ADAMTS17: variants seen among roughly 807,000 people sequenced by gnomAD.
ADAMTS17 encodes the protein ADAM metallopeptidase with thrombospondin type 1 motif 17.
ADAMTS17 carries 113 observed loss-of-function variants against 141.5 expected under a neutral mutation model. The observed-to-expected ratio is 0.80, with a 90% confidence interval of 0.69 to 0.93. The LOEUF is 0.93. ADAMTS17 is among the 40% of genes least tolerant of loss of function. ADAMTS17 has a pLI of 0.00. For synonymous variants in ADAMTS17, 768 were observed against 630.6 expected (o/e 1.22, Z -3.27); for missense variants, 1,659 against 1,517.9 (o/e 1.09, Z -1.54).
intron 5 of ADAMTS17, 77 bp downstream of exon 5, chr15:100,262,275 T>C: frequency 1.5e-6 from 2 of 1,343,418 alleles, no homozygotes; most frequent in Non-Finnish European, 1.1e-6. Flanking sequence ...GAGCCCCGCT[T>C]AGCATTCAAC....
intron 18 of ADAMTS17, among the ~76,000 whole-genome samples, chr15:100,004,650 T>C (rs2061002554): frequency 6.9e-6 from 1 of 145,274 alleles, no homozygotes; most frequent in Admixed American, 6.9e-5. Flanking sequence ...GAGTGGAGTC[T>C]CACTCTGTTG....
intron 14 of ADAMTS17, among the ~76,000 whole-genome samples, chr15:100,107,468 G>C (rs908645645): frequency 2.6e-5 from 4 of 152,294 alleles, no homozygotes; most frequent in Admixed American, 2.6e-4. Context: ...GTGGTCATAG[G>C]ATGACAGGAA....
At chr15:100,021,773 G>A (rs143958333) in intron 18 of ADAMTS17, among the ~76,000 whole-genome samples, 10 of 152,252 alleles carry the variant, frequency 6.6e-5, no homozygotes, top group African/African-American at 1.4e-4. Flanking sequence ...AAGCCTTGTC[G>A]CCCTGGCCCT....
At chr15:100,241,527 T>A (rs2042827209) in intron 7 of ADAMTS17, among the ~76,000 whole-genome samples, 1 of 152,242 alleles carries the variant, frequency 6.6e-6, no homozygotes, top group South Asian at 2.1e-4. Flanking sequence ...CTCACTCATG[T>A]AACATCCAAT....
intron 7 of ADAMTS17, among the ~76,000 whole-genome samples, chr15:100,252,515 G>A (rs1272993956): frequency 2.6e-5 from 4 of 152,142 alleles, no homozygotes; most frequent in Admixed American, 2.0e-4. Context: ...GAGCAGAGGC[G>A]CCCCGGACAT....
chr15:100,254,696 G>T (rs954951183), intron 6 of ADAMTS17, among the ~76,000 whole-genome samples: 1 of 152,174 alleles, frequency 6.6e-6, no homozygotes, highest in Admixed American at 6.5e-5. Flanking sequence ...TCTTTGCAGG[G>T]ACATGGATGG....
In ADAMTS17 at chr15:100,159,065, G is replaced by A. The variant is rs28447358; in HGVS notation, c.1182-3745C>T. ...ATGCTATGAAAAAAACAGTATGGAG[G>A]TTCCTCAAAAAATTAAAAATAAAAC... On this transcript the variant is annotated intron_variant, in intron 8 of 21. Coordinates refer to ENST00000268070, the MANE Select transcript of ADAMTS17 (RefSeq NM_139057.4). Among the ~76,000 whole-genome samples the A allele has an allele frequency of 7.7e-3, 1,167 of 152,156 alleles. 9 individuals carry two copies. Among genetic ancestry groups the A allele is most frequent in the African/African-American group, 0.022 (921 of 41,506 alleles).
At chr15:100,165,406 G>A (rs948186435) in intron 8 of ADAMTS17, among the ~76,000 whole-genome samples, 1 of 152,144 alleles carries the variant, frequency 6.6e-6, no homozygotes, top group Non-Finnish European at 1.5e-5. Context: ...AATGCCTCCT[G>A]GGCATGCCAT....
intron 7 of ADAMTS17, among the ~76,000 whole-genome samples, chr15:100,209,952 T>G (rs1175990061): frequency 6.6e-6 from 1 of 152,212 alleles, no homozygotes; most frequent in Non-Finnish European, 1.5e-5. Flanking sequence ...TTCTTCACCT[T>G]TCAAGCAATT....
rs1266471365 is a variant in ADAMTS17, at chr15:100,341,928, C to T, written c.-29G>A. Reference sequence around the variant, plus strand: ...ACCCGGGACCGGCAGCCCCCCCGGACCGTGGCGGCGAAGCAGGAGCGCGCT... The same window carrying T: ...ACCCGGGACCGGCAGCCCCCCCGGATCGTGGCGGCGAAGCAGGAGCGCGCT... On this transcript the variant is annotated 5_prime_UTR_variant, in exon 1 of 22. Transcript: ENST00000268070. The T allele has an allele frequency of 6.5e-7, 1 of 1,548,172 alleles. No homozygotes were observed. Among genetic ancestry groups the T allele is most frequent in the African/African-American group, 1.4e-5 (1 of 72,916 alleles).
At chr15:100,090,371 CAACT>C (rs2035380361) in intron 15 of ADAMTS17, among the ~76,000 whole-genome samples, 1 of 152,178 alleles carries the variant, frequency 6.6e-6, no homozygotes, top group African/African-American at 2.4e-5. Flanking sequence ...GAAACTTTTG[CAACT>C]AACAAACCTT....
At chr15:100,051,413 T>C (rs899187275) in intron 17 of ADAMTS17, among the ~76,000 whole-genome samples, 159 bp downstream of exon 17, 1 of 152,134 alleles carries the variant, frequency 6.6e-6, no homozygotes, top group Non-Finnish European at 1.5e-5. Flanking sequence ...GAAGACTCTG[T>C]CCAAGTATTC....
chr15:100,220,580 T>C (rs1195687379), intron 7 of ADAMTS17, among the ~76,000 whole-genome samples: 1 of 152,220 alleles, frequency 6.6e-6, no homozygotes, highest in East Asian at 1.9e-4. Flanking sequence ...TTTTAGTACT[T>C]TCTCAAAGTT....
chr15:100,299,063 G>T (rs1055499914), intron 3 of ADAMTS17, among the ~76,000 whole-genome samples: 7 of 152,044 alleles, frequency 4.6e-5, no homozygotes, highest in Non-Finnish European at 1.0e-4. Context: ...AAGGACACCG[G>T]TCATATCAGA....
intron 18 of ADAMTS17, among the ~76,000 whole-genome samples, chr15:100,031,850 G>A (rs531873705): frequency 6.6e-6 from 1 of 152,298 alleles, no homozygotes; most frequent in South Asian, 2.1e-4. Flanking sequence ...TCACCGTGTG[G>A]CAGCTTGGTT....
At chr15:100,307,397 G>A (rs2141841560) in intron 3 of ADAMTS17, among the ~76,000 whole-genome samples, 1 of 152,310 alleles carries the variant, frequency 6.6e-6, no homozygotes, top group Non-Finnish European at 1.5e-5. Context: ...AGACCTGCCT[G>A]AGACTTAAGT....
At chr15:100,047,420 C>T (rs1431890775) in intron 18 of ADAMTS17, among the ~76,000 whole-genome samples, 1 of 151,722 alleles carries the variant, frequency 6.6e-6, no homozygotes, top group African/African-American at 2.4e-5. Flanking sequence ...TAAAAACTTG[C>T]TGGTTTTACG....
At chr15:100,169,936 G>A (rs2040097683) in intron 8 of ADAMTS17, among the ~76,000 whole-genome samples, 1 of 152,122 alleles carries the variant, frequency 6.6e-6, no homozygotes, top group Non-Finnish European at 1.5e-5. Flanking sequence ...AGTGTTCCAG[G>A]GCATTCAGGA....
intron 8 of ADAMTS17, among the ~76,000 whole-genome samples, chr15:100,158,282 A>G (rs965124646): frequency 6.6e-6 from 1 of 152,182 alleles, no homozygotes; most frequent in Non-Finnish European, 1.5e-5. Context: ...TTACTTATAC[A>G]CAAGTGCATG....
Sources: gnomAD v4.1 joint callset for allele counts (sites outside exome capture counted in the v4.1 genomes callset) on GRCh38, gnomAD v4.1.1 for gene constraint, MANE v1.5 for transcripts, NCBI Gene and HGNC (gene_info 2026-07-23, HGNC 2026-07-21) for gene names.